Variants in VCL observed in about 807,000 individuals in gnomAD.
VCL encodes the protein epididymis luminal protein 114.
Under a neutral mutation model 125.7 loss-of-function variants are expected in VCL, and 47 were observed. That is an observed-to-expected ratio of 0.37 (90% CI 0.30 to 0.48). The LOEUF (loss-of-function observed/expected upper bound fraction) is 0.48. VCL is among the 20% of genes least tolerant of loss of function. The pLI is 0.99. For synonymous variants in VCL, 458 were observed against 514.6 expected (o/e 0.89, Z 1.49); for missense variants, 1,069 against 1,455.5 (o/e 0.73, Z 4.32).
At chr10:74,026,244 G>T (rs780358686) in intron 1 of VCL, among the ~76,000 whole-genome samples, 1 of 152,190 alleles carries the variant, frequency 6.6e-6, no homozygotes, top group Non-Finnish European at 1.5e-5. Context: ...GTTTTAGCAT[G>T]CTTTTCTATG....
intron 2 of VCL, among the ~76,000 whole-genome samples, chr10:74,043,594 A>G (rs1326255621): frequency 1.3e-5 from 2 of 151,914 alleles, no homozygotes; most frequent in African/African-American, 4.8e-5. Flanking sequence ...TGATCCACCC[A>G]CCTTGGCCTC....
At position 74,060,356 on chromosome 10, in the gene VCL, T is replaced by C. The variant is rs117669516; in HGVS notation, c.240-10314T>C. Among the ~76,000 whole-genome samples the C allele has an allele frequency of 5.4e-3, 818 of 151,774 alleles. 34 individuals are homozygous for C. In the East Asian group the frequency reaches 0.11, roughly 21 times the overall value. ...TCTGGATATAGTCTAAAAGAACCCTTAAAAAGGACTTGCAGGCAGAGTGTG... is the reference window on the plus strand; with the variant it reads ...TCTGGATATAGTCTAAAAGAACCCTCAAAAAGGACTTGCAGGCAGAGTGTG... On this transcript the variant is annotated intron_variant, in intron 2 of 21. Coordinates refer to ENST00000211998, the MANE Select transcript of VCL (RefSeq NM_014000.3).
At chr10:74,112,299 T>C (rs1466963114) in intron 19 of VCL, among the ~76,000 whole-genome samples, 187 bp downstream of exon 19, 1 of 152,164 alleles carries the variant, frequency 6.6e-6, no homozygotes, top group Non-Finnish European at 1.5e-5. Context: ...GCCAGATTAA[T>C]TGGACTGCAT....
intron 21 of VCL, 135 bp from the exon 22 acceptor site, chr10:74,117,888 C>T (rs1840334323): frequency 1.5e-6 from 2 of 1,293,086 alleles, no homozygotes; most frequent in South Asian, 1.2e-5. Flanking sequence ...GGGAAAACCC[C>T]TAGTGATGCA....
chr10:73,998,744 GC>G (rs975965074), intron 1 of VCL, among the ~76,000 whole-genome samples: 9 of 152,206 alleles, frequency 5.9e-5, no homozygotes, highest in Non-Finnish European at 8.8e-5. Context: ...CGCAGGCTTC[GC>G]CCCCACGTTG....
chr10:74,066,974 G>T (rs1326058216), intron 2 of VCL, among the ~76,000 whole-genome samples: 1 of 152,088 alleles, frequency 6.6e-6, no homozygotes, highest in Non-Finnish European at 1.5e-5. Context: ...GGCATAAAAT[G>T]ATTATTGACT....
At chr10:74,009,617 T>C (rs1840391605) in intron 1 of VCL, among the ~76,000 whole-genome samples, 1 of 151,954 alleles carries the variant, frequency 6.6e-6, no homozygotes, top group Non-Finnish European at 1.5e-5. Flanking sequence ...CCTTATTTAT[T>C]AATTATTATT....
intron 1 of VCL, among the ~76,000 whole-genome samples, chr10:74,038,122 C>T (rs987785734): frequency 5.9e-5 from 9 of 152,024 alleles, no homozygotes; most frequent in African/African-American, 1.9e-4. Flanking sequence ...CTCAGCCTCC[C>T]AAGTAGCTGG....
At chr10:74,082,585 A>G in intron 7 of VCL, 41 bp downstream of exon 7, 1 of 1,602,190 alleles carries the variant, frequency 6.2e-7, no homozygotes, top group Non-Finnish European at 8.6e-7. Context: ...TACAACGAGA[A>G]GCTAAAAACC....
intron 2 of VCL, among the ~76,000 whole-genome samples, chr10:74,056,519 T>G (rs926631466): frequency 6.6e-6 from 1 of 152,146 alleles, no homozygotes; most frequent in African/African-American, 2.4e-5. Context: ...AAAGGAATAC[T>G]TTGTGGATGA....
At chr10:74,106,834 A>G (rs1840143497) in intron 16 of VCL, among the ~76,000 whole-genome samples, 1 of 152,216 alleles carries the variant, frequency 6.6e-6, no homozygotes, top group Non-Finnish European at 1.5e-5. Context: ...AAAGGTGAGA[A>G]GTACTTCAGG....
intron 2 of VCL, among the ~76,000 whole-genome samples, chr10:74,060,889 A>G (rs1487222478): frequency 2.0e-5 from 3 of 151,998 alleles, no homozygotes; most frequent in Non-Finnish European, 4.4e-5. Flanking sequence ...TAATTCTGGG[A>G]AGAATGTATT....
At chr10:74,005,563 G>C (rs1313445807) in intron 1 of VCL, among the ~76,000 whole-genome samples, 6 of 152,074 alleles carry the variant, frequency 3.9e-5, no homozygotes, top group Non-Finnish European at 7.4e-5. Context: ...GCCAGAGACA[G>C]AGATATATTT....
intron 1 of VCL, among the ~76,000 whole-genome samples, chr10:74,037,725 T>C (rs2136244988): frequency 6.6e-6 from 1 of 152,236 alleles, no homozygotes; most frequent in East Asian, 1.9e-4. Flanking sequence ...GATTCTTCTC[T>C]ACTGGGCAGC....
chr10:74,021,858 G>A (rs147336376), intron 1 of VCL, among the ~76,000 whole-genome samples: 41 of 151,866 alleles, frequency 2.7e-4, no homozygotes, highest in Admixed American at 5.3e-4. Flanking sequence ...CAAATGTTCC[G>A]TTGATCTTTC....
chr10:74,037,194 A>T (rs1285511879), intron 1 of VCL, among the ~76,000 whole-genome samples: 1 of 152,154 alleles, frequency 6.6e-6, no homozygotes, highest in African/African-American at 2.4e-5. Flanking sequence ...TACGCCTGGG[A>T]TTACAGGCGT....
intron 2 of VCL, among the ~76,000 whole-genome samples, chr10:74,056,675 C>T (rs138850337): frequency 1.8e-4 from 27 of 152,234 alleles, no homozygotes; most frequent in Admixed American, 3.9e-4. Context: ...GTGTTCCTGA[C>T]TCCCTCCTAA....
intron 1 of VCL, among the ~76,000 whole-genome samples, chr10:74,002,348 C>T (rs1840242219): frequency 6.6e-6 from 1 of 151,810 alleles, no homozygotes; most frequent in African/African-American, 2.4e-5. Context: ...TGGTCTTGAA[C>T]TCCTGACCTC....
intron 14 of VCL, among the ~76,000 whole-genome samples, chr10:74,102,579 T>C (rs896503313): frequency 1.3e-5 from 2 of 152,182 alleles, no homozygotes; most frequent in African/African-American, 2.4e-5. Context: ...TGAGGAGATA[T>C]GGGGGAAATA....
Sources: allele counts gnomAD v4.1 joint callset (sites outside exome capture counted in the v4.1 genomes callset), GRCh38; gene constraint gnomAD v4.1.1; transcripts MANE v1.5; gene names NCBI Gene and HGNC (gene_info 2026-07-23, HGNC 2026-07-21).